Variants in NEDD4L observed in about 807,000 individuals in gnomAD.
NEDD4L encodes the protein E3 ubiquitin-protein ligase NEDD4-like.
Under a neutral mutation model 148.9 loss-of-function variants are expected in NEDD4L, and 54 were observed. The observed-to-expected ratio is 0.36, with a 90% CI of 0.29 to 0.45. NEDD4L has a LOEUF of 0.45. NEDD4L is among the 20% of genes least tolerant of loss of function. NEDD4L has a pLI of 1.00. For missense variants in NEDD4L, 856 were observed against 1,233.8 expected (o/e 0.69, Z 4.59); for synonymous variants, 433 against 440.7 (o/e 0.98, Z 0.22).
intron 1 of NEDD4L, among the ~76,000 whole-genome samples, chr18:58,142,040 CTTTTTTTTTTTT>C (rs552184742): frequency 4.5e-4 from 19 of 41,864 alleles, no homozygotes; most frequent in South Asian, 2.0e-3. Context: ...AAATTTCTTT[CTTTTTTTTTTTT>C]TTTTTTTTTT....
chr18:58,387,788 G>A, intron 27 of NEDD4L: 1 of 281,868 alleles, frequency 3.5e-6, no homozygotes, highest in Non-Finnish European at 6.5e-6. Context: ...AGAGGCCACT[G>A]AGCAGAGCTG....
chr18:58,351,180 A>G, intron 18 of NEDD4L, 135 bp downstream of exon 18: 12 of 1,507,016 alleles, frequency 8.0e-6, no homozygotes, highest in Non-Finnish European at 1.1e-5. Context: ...ATGATACCAG[A>G]GAATCAGTGC....
chr18:58,044,927 C>G (rs2144331807), intron 1 of NEDD4L: 1 of 478,480 alleles, frequency 2.1e-6, no homozygotes. Context: ...TAAAGCGGCG[C>G]GACGCCCTTG....
chr18:58,085,321 G>T (rs2083703054), intron 1 of NEDD4L, among the ~76,000 whole-genome samples: 2 of 152,208 alleles, frequency 1.3e-5, no homozygotes, highest in African/African-American at 4.8e-5. Context: ...GATGGGGTCA[G>T]TGTGGAGGGC....
At chr18:58,172,223 C>T (rs918295775) in intron 2 of NEDD4L, among the ~76,000 whole-genome samples, 1 of 152,158 alleles carries the variant, frequency 6.6e-6, no homozygotes, top group Non-Finnish European at 1.5e-5. Flanking sequence ...CAGCCGCCGA[C>T]AGGGTCAGGA....
chr18:58,337,411 G>T (rs1019098804), intron 13 of NEDD4L, among the ~76,000 whole-genome samples: 2 of 151,966 alleles, frequency 1.3e-5, no homozygotes, highest in African/African-American at 4.8e-5. Context: ...TCTTCACCCC[G>T]TGTTTCCCTC....
chr18:58,299,225 G>C (rs1056268425), intron 5 of NEDD4L, among the ~76,000 whole-genome samples: 2 of 152,310 alleles, frequency 1.3e-5, no homozygotes, highest in Admixed American at 1.3e-4. Context: ...TGTGCATCCC[G>C]CATGATAAGC....
At chr18:58,330,962 T>C (rs2059740998) in intron 11 of NEDD4L, 48 bp downstream of exon 11, 1 of 1,579,538 alleles carries the variant, frequency 6.3e-7, no homozygotes, top group African/African-American at 1.3e-5. Flanking sequence ...TGTTTTATTG[T>C]TTTTTGTTGC....
At position 58,066,387 on chromosome 18, in the gene NEDD4L, G is replaced by GTT. The variant is rs368243667; in HGVS notation, c.48+21701_48+21702dup. ...GTAAATTTAGATCCACTCTGTATTAGTTTTTTTTTTTTTTTTTTTTTTTAA... is the reference window on the plus strand; with the variant it reads ...GTAAATTTAGATCCACTCTGTATTAGTTTTTTTTTTTTTTTTTTTTTTTTTAA... On this transcript the variant is annotated intron_variant, in intron 1 of 30. Transcript: ENST00000400345. Among the ~76,000 whole-genome samples, 401 of 112,090 alleles carry GTT rather than the reference G, an allele frequency of 3.6e-3. 12 individuals are homozygous for GTT. Among genetic ancestry groups the GTT allele is most frequent in the African/African-American group, 0.011 (365 of 33,418 alleles). The allele number at this position is 112,090 out of a possible 152,430, so 73.5% of individuals were successfully genotyped here.
chr18:58,370,528 T>C (rs1361823684), intron 23 of NEDD4L, 61 bp downstream of exon 23: 3 of 1,088,494 alleles, frequency 2.8e-6, no homozygotes, highest in Admixed American at 3.4e-5. Context: ...TGAGAAGGTA[T>C]TGGAGAGCCA....
chr18:58,399,267 G>A lies in NEDD4L; in HGVS notation c.*2998G>A, dbSNP rs1355208321. On this transcript the variant is annotated 3_prime_UTR_variant, in exon 31 of 31. Coordinates refer to ENST00000400345, the MANE Select transcript of NEDD4L (RefSeq NM_001144967.3). ...TGAGGCATTCATTGTCTGTGTTGCG[G>A]TGTATTCCCAGCTTCAGTGCTCTTT... The A allele has an allele frequency of 6.6e-6, 1 of 152,228 alleles. No homozygotes were observed. The highest frequency in any genetic ancestry group is 2.4e-5 in the African/African-American group (1 of 41,442). The allele number at this position is 152,228 out of a possible 1,614,324, so 9.4% of individuals were successfully genotyped here. A position where few individuals can be genotyped will look rare whatever the true frequency, so the allele number is the denominator to read the frequency against.
At position 58,256,448 on chromosome 18, in the gene NEDD4L, G is replaced by T. The variant is rs609727; in HGVS notation, c.297+4394G>T. The T allele has an allele frequency of 5.3e-5, 65 of 1,232,230 alleles. No homozygotes were observed. The highest frequency in any genetic ancestry group is 6.3e-5 in the Non-Finnish European group (62 of 988,120). The allele number at this position is 1,232,230 out of a possible 1,614,324, so 76.3% of individuals were successfully genotyped here. On this transcript the variant is annotated intron_variant, in intron 5 of 30. Coordinates refer to ENST00000400345, the MANE Select transcript of NEDD4L (RefSeq NM_001144967.3). The surrounding 1 kb of genome is among the most constrained non-coding windows in gnomAD (Gnocchi z 5.2). ...CTTTGGCTTCACGGGCACAAAGGGG[G>T]ACAGGTTGGTGAGGTATCCTCGCAT...
intron 1 of NEDD4L, among the ~76,000 whole-genome samples, chr18:58,126,942 T>C (rs1016872865): frequency 1.1e-4 from 17 of 152,256 alleles, no homozygotes; most frequent in African/African-American, 3.9e-4. Flanking sequence ...AGCCCTGTCC[T>C]CACCTGGGGT....
At chr18:58,253,453 T>C (rs960624418) in intron 5 of NEDD4L, among the ~76,000 whole-genome samples, 4 of 152,244 alleles carry the variant, frequency 2.6e-5, no homozygotes, top group Non-Finnish European at 4.4e-5. Flanking sequence ...ACAGTGTAAC[T>C]AAACCACTTT....
At chr18:58,338,504 G>A (rs775864049) in intron 13 of NEDD4L, among the ~76,000 whole-genome samples, 9 of 152,296 alleles carry the variant, frequency 5.9e-5, no homozygotes, top group Admixed American at 1.3e-4. Flanking sequence ...TAAATTACAG[G>A]TTGCCAGTTC....
intron 1 of NEDD4L, among the ~76,000 whole-genome samples, chr18:58,054,511 T>C (rs1467646110): frequency 6.6e-6 from 1 of 152,144 alleles, no homozygotes; most frequent in Non-Finnish European, 1.5e-5. Flanking sequence ...GGTGGAAAGA[T>C]AATTTGAGCA....
chr18:58,316,040 C>A lies in NEDD4L; in HGVS notation c.348+8C>A, dbSNP rs751163365. 1.2e-6 allele frequency: 2 copies of A among 1,610,730 alleles called. No individual in the cohort carries two copies. The highest frequency in any genetic ancestry group is 1.7e-6 in the Non-Finnish European group (2 of 1,176,916). Reference sequence around the variant, plus strand: ...CCCCTTAGTCACCTTCCGGTAAGGACAGTCTCATGTTTGATGCTTCGTGCT... The same window carrying A: ...CCCCTTAGTCACCTTCCGGTAAGGAAAGTCTCATGTTTGATGCTTCGTGCT... On this transcript the variant is annotated splice_region_variant and intron_variant, in intron 6 of 30. Transcript: ENST00000400345.
intron 18 of NEDD4L, among the ~76,000 whole-genome samples, chr18:58,353,829 G>A (rs764013926): frequency 6.6e-6 from 1 of 152,176 alleles, no homozygotes; most frequent in Non-Finnish European, 1.5e-5. Context: ...TTATGCCCAC[G>A]TATGCCACAA....
At chr18:58,300,188 T>G (rs1042797079) in intron 5 of NEDD4L, among the ~76,000 whole-genome samples, 1 of 152,344 alleles carries the variant, frequency 6.6e-6, no homozygotes, top group Admixed American at 6.5e-5. Context: ...CTTCTAAGGT[T>G]GTTGTGAGGA....
Sources: gnomAD v4.1 joint callset for allele counts (sites outside exome capture counted in the v4.1 genomes callset) on GRCh38, gnomAD v4.1.1 for gene constraint, Gnocchi (gnomAD v3.1) non-coding constraint, MANE v1.5 for transcripts, NCBI Gene and HGNC (gene_info 2026-07-23, HGNC 2026-07-21) for gene names.